The following STEAP1B variants were observed in gnomAD, a reference collection of about 807,000 sequenced individuals.
STEAP1B encodes STEAP family member 1B.
A neutral mutation model predicts 27.9 loss-of-function variants in STEAP1B; 13 were observed. That is an observed-to-expected ratio of 0.47 (90% CI 0.30 to 0.74). The LOEUF (loss-of-function observed/expected upper bound fraction) is 0.74, where lower values mean the gene tolerates loss of function less well. Ranked by LOEUF, STEAP1B falls within the 30% of genes least tolerant of loss-of-function variation. The pLI, the probability that STEAP1B is intolerant of heterozygous loss-of-function variation, is 0.06. For synonymous variants in STEAP1B, 86 were observed against 107.1 expected, an observed-to-expected ratio of 0.80 and a Z score of 1.22; for missense variants, 250 against 298.7, an observed-to-expected ratio of 0.84 and a Z score of 1.20.
intron 2 of STEAP1B, 83 bp downstream of exon 2, chr7:22,494,689 T>C: frequency 2.0e-6 from 2 of 1,016,478 alleles, no homozygotes; most frequent in Non-Finnish European, 1.4e-6. Context: ...ATCACTTTCA[T>C]AACACTAGGA....
chr7:22,431,971 T>C lies in STEAP1B; in HGVS notation c.763-12135A>G, dbSNP rs111316362. Reference sequence around the variant, plus strand: ...TTGCTGGTCCTTGCTATGGTCTGAATGTTTGCGTCTCTCCAAAATTCATAT... The same window carrying C: ...TTGCTGGTCCTTGCTATGGTCTGAACGTTTGCGTCTCTCCAAAATTCATAT... On this transcript the variant is annotated intron_variant, in intron 4 of 4. Transcript: ENST00000678116. 3.1e-3 allele frequency among the ~76,000 whole-genome samples: 467 copies of C among 152,308 alleles called. 1 individual carries two copies. The highest frequency in any genetic ancestry group is 0.011 in the African/African-American group (442 of 41,552).
At chr7:22,469,710 T>C (rs751656298) in intron 4 of STEAP1B, among the ~76,000 whole-genome samples, 68 of 152,218 alleles carry the variant, frequency 4.5e-4, no homozygotes, top group Non-Finnish European at 8.1e-4. Flanking sequence ...CCTACATGTA[T>C]AATAGGCTCT....
intron 4 of STEAP1B, among the ~76,000 whole-genome samples, chr7:22,460,192 C>T (rs942233178): frequency 6.6e-6 from 1 of 151,646 alleles, no homozygotes; most frequent in African/African-American, 2.4e-5. Flanking sequence ...GGCGCGTGCC[C>T]ATAGTCCTAG....
intron 4 of STEAP1B, among the ~76,000 whole-genome samples, chr7:22,444,705 C>T (rs189461213): frequency 2.6e-5 from 4 of 152,322 alleles, no homozygotes; most frequent in Admixed American, 2.0e-4. Flanking sequence ...ATCTCAGGCT[C>T]GCTGCCAGTT....
chr7:22,446,099 C>T (rs897976100), intron 4 of STEAP1B, among the ~76,000 whole-genome samples: 6 of 152,182 alleles, frequency 3.9e-5, no homozygotes, highest in South Asian at 2.1e-4. Flanking sequence ...GTGCAGTTGT[C>T]GTTCAAAATG....
At chr7:22,441,440 T>C (rs147105932) in intron 4 of STEAP1B, among the ~76,000 whole-genome samples, 132 of 152,320 alleles carry the variant, frequency 8.7e-4, no homozygotes, top group African/African-American at 2.9e-3. Context: ...ATTACCCCCA[T>C]TTACAGATGA....
At position 22,464,230 on chromosome 7, in the gene STEAP1B, C is replaced by A. The variant is rs7789466; in HGVS notation, c.762+28335G>T. 3.9e-3 allele frequency among the ~76,000 whole-genome samples: 596 copies of A among 152,300 alleles called. 7 individuals carry two copies. Among genetic ancestry groups the A allele is most frequent in the African/African-American group, 0.014 (562 of 41,560 alleles). On this transcript the variant is annotated intron_variant, in intron 4 of 4. Transcript: ENST00000678116. ...TGCCATTAGGAAGATTTATCACCTGCAATGAGAAATCAGTGCTCCATTAGC... is the reference window on the plus strand; with the variant it reads ...TGCCATTAGGAAGATTTATCACCTGAAATGAGAAATCAGTGCTCCATTAGC...
At chr7:22,471,527 G>A (rs1050876000) in intron 4 of STEAP1B, among the ~76,000 whole-genome samples, 2 of 152,146 alleles carry the variant, frequency 1.3e-5, no homozygotes, top group Non-Finnish European at 2.9e-5. Flanking sequence ...TGACATCACT[G>A]AGGTATTAGA....
At chr7:22,459,950 G>A (rs531887033) in intron 4 of STEAP1B, among the ~76,000 whole-genome samples, 2 of 152,230 alleles carry the variant, frequency 1.3e-5, no homozygotes, top group East Asian at 1.9e-4. Context: ...GGTTCAGGTT[G>A]GTGGCCTGTG....
chr7:22,423,004 T>C (rs1367821578), intron 4 of STEAP1B, among the ~76,000 whole-genome samples: 1 of 152,154 alleles, frequency 6.6e-6, no homozygotes, highest in Non-Finnish European at 1.5e-5. Flanking sequence ...TTTGATACAA[T>C]AAAAAGACAT....
intron 4 of STEAP1B, among the ~76,000 whole-genome samples, chr7:22,476,114 G>A (rs1785967293): frequency 6.6e-6 from 1 of 152,196 alleles, no homozygotes; most frequent in Non-Finnish European, 1.5e-5. Context: ...CCACTGCACT[G>A]GTCTGAGCTG....
chr7:22,487,025 T>G (rs1786222582), intron 4 of STEAP1B, among the ~76,000 whole-genome samples: 2 of 152,230 alleles, frequency 1.3e-5, no homozygotes, highest in South Asian at 4.1e-4. Flanking sequence ...TGCTTTGTCT[T>G]TTCACATAGA....
At chr7:22,458,241 G>C (rs142302856) in intron 4 of STEAP1B, among the ~76,000 whole-genome samples, 6 of 152,290 alleles carry the variant, frequency 3.9e-5, no homozygotes, top group African/African-American at 1.2e-4. Context: ...AGGTGAATAC[G>C]AGGAAGAACC....
chr7:22,435,549 G>T (rs1451359120), intron 4 of STEAP1B, among the ~76,000 whole-genome samples: 1 of 152,160 alleles, frequency 6.6e-6, no homozygotes, highest in Non-Finnish European at 1.5e-5. Flanking sequence ...TCAGCACCAA[G>T]GGGGGTGGTT....
In STEAP1B at chr7:22,474,919, T is replaced by C. The variant is rs200322601; in HGVS notation, c.762+17646A>G. 2.0e-5 allele frequency among the ~76,000 whole-genome samples: 3 copies of C among 152,220 alleles called. No homozygotes were observed. In the East Asian group the frequency reaches 5.8e-4, roughly 29 times the overall value. On this transcript the variant is annotated intron_variant, in intron 4 of 4. Coordinates refer to ENST00000678116, the MANE Select transcript of STEAP1B (RefSeq NM_001382447.1). The stretch of plus-strand genomic sequence containing the variant: ...TTTGCCCACAGAAAGCTCATCATTA[T>C]AGATCTGAATTCCTGAATCCAAATG...
In STEAP1B at chr7:22,457,511, G is replaced by A. The variant is rs192555848; in HGVS notation, c.762+35054C>T. On this transcript the variant is annotated intron_variant, in intron 4 of 4. Coordinates refer to ENST00000678116, the MANE Select transcript of STEAP1B (RefSeq NM_001382447.1). ...GGCTAGGAGAGCAGCTGCCTACCAA[G>A]CATAACTGCACACTAGGAAATTTGT... Among the ~76,000 whole-genome samples the A allele has an allele frequency of 1.3e-3, 205 of 152,356 alleles. 1 individual carries two copies. The highest frequency in any genetic ancestry group is 2.4e-3 in the Admixed American group (36 of 15,310).
chr7:22,462,477 C>T lies in STEAP1B; in HGVS notation c.762+30088G>A, dbSNP rs565799487. On this transcript the variant is annotated intron_variant, in intron 4 of 4. Coordinates refer to ENST00000678116, the MANE Select transcript of STEAP1B (RefSeq NM_001382447.1). ...ATTCCCACCTATGAGTGAGAATACG[C>T]GGTGTTTGGTTTTTTGTTCTTGCGA... Among the ~76,000 whole-genome samples the T allele has an allele frequency of 1.2e-3, 157 of 130,042 alleles. 1 individual carries two copies. Among genetic ancestry groups the T allele is most frequent in the African/African-American group, 4.3e-3 (147 of 33,946 alleles). The allele number at this position is 130,042 out of a possible 152,430, so 85.3% of individuals were successfully genotyped here.
At chr7:22,453,622 T>C (rs552008113) in intron 4 of STEAP1B, among the ~76,000 whole-genome samples, 36 of 152,346 alleles carry the variant, frequency 2.4e-4, no homozygotes, top group Admixed American at 3.3e-4. Context: ...CCTTTTTGCA[T>C]AAATATATAC....
At chr7:22,462,186 T>C (rs1158281197) in intron 4 of STEAP1B, among the ~76,000 whole-genome samples, 2 of 152,208 alleles carry the variant, frequency 1.3e-5, no homozygotes, top group African/African-American at 4.8e-5. Context: ...GATTAGAGAA[T>C]TTGCAAGGAT....
Sources: gnomAD v4.1 joint callset for allele counts (sites outside exome capture counted in the v4.1 genomes callset) on GRCh38, gnomAD v4.1.1 for gene constraint, MANE v1.5 for transcripts, NCBI Gene and HGNC (gene_info 2026-07-23, HGNC 2026-07-21) for gene names.